The following CDH13 variants were observed in gnomAD, a reference collection of about 807,000 sequenced individuals.
The protein encoded by CDH13 is cadherin 13, also known as cadherin-13.
CDH13 carries 24 observed loss-of-function variants against 63.8 expected under a neutral mutation model. The ratio of observed to expected loss-of-function variants is 0.38; its 90% CI spans 0.27 to 0.53. The LOEUF (loss-of-function observed/expected upper bound fraction) is 0.53, where lower values mean the gene tolerates loss of function less well. CDH13 is among the 20% of genes least tolerant of loss of function. The probability of loss-of-function intolerance (pLI) is 0.85; values close to 1 mark genes in which losing one functional copy is unlikely to be tolerated. For missense variants in CDH13, 1,049 were observed against 903.1 expected, an observed-to-expected ratio of 1.16 and a Z score of -2.07; for synonymous variants, 503 against 355.3, an observed-to-expected ratio of 1.42 and a Z score of -4.67.
chr16:82,858,095 G>C (rs1337773474), intron 1 of CDH13, among the ~76,000 whole-genome samples: 1 of 152,166 alleles, frequency 6.6e-6, no homozygotes, highest in Non-Finnish European at 1.5e-5. Context: ...ACCATGGTGA[G>C]AATCTTAGCA....
chr16:83,785,098 C>T (rs940143062), intron 13 of CDH13, among the ~76,000 whole-genome samples: 2 of 152,126 alleles, frequency 1.3e-5, no homozygotes, highest in African/African-American at 2.4e-5. Flanking sequence ...ACAGATAATT[C>T]GGCTGTACAG....
intron 2 of CDH13, among the ~76,000 whole-genome samples, chr16:82,958,081 C>G (rs56913429): frequency 0.063 from 9,589 of 152,212 alleles, 976 homozygotes; most frequent in African/African-American, 0.21. Flanking sequence ...TCACAGATTC[C>G]TAACTAAGTA....
intron 10 of CDH13, among the ~76,000 whole-genome samples, chr16:83,706,498 G>T (rs940902251): frequency 4.6e-5 from 7 of 152,168 alleles, no homozygotes; most frequent in Admixed American, 4.6e-4. Flanking sequence ...GGAATCAGAG[G>T]TACCTGAGTT....
At chr16:83,378,458 T>C (rs1312376658) in intron 6 of CDH13, among the ~76,000 whole-genome samples, 1 of 152,212 alleles carries the variant, frequency 6.6e-6, no homozygotes, top group East Asian at 1.9e-4. Context: ...TCTGCAACGA[T>C]AATATATGTG....
chr16:83,344,756 G>C, intron 5 of CDH13, 106 bp from the exon 6 acceptor site: 1 of 1,210,942 alleles, frequency 8.3e-7, no homozygotes, highest in Admixed American at 2.0e-5. Context: ...ATATTGCCAA[G>C]GGCTCATAAA....
chr16:82,866,816 T>A (rs1253534458), intron 2 of CDH13, among the ~76,000 whole-genome samples: 1 of 152,074 alleles, frequency 6.6e-6, no homozygotes, highest in Non-Finnish European at 1.5e-5. Context: ...AAGAGCCCTT[T>A]ATAAAACCAT....
chr16:83,685,611 CTT>C (rs1904300405), intron 10 of CDH13, among the ~76,000 whole-genome samples: 1 of 152,090 alleles, frequency 6.6e-6, no homozygotes, highest in Non-Finnish European at 1.5e-5. Flanking sequence ...AGAGCAAGAA[CTT>C]TTGCTGCAAA....
At chr16:83,287,019 A>G (rs745968628) in intron 5 of CDH13, among the ~76,000 whole-genome samples, 26 of 152,066 alleles carry the variant, frequency 1.7e-4, no homozygotes, top group Non-Finnish European at 3.2e-4. Flanking sequence ...CTGGAAGATA[A>G]TGTTCATCTT....
intron 10 of CDH13, among the ~76,000 whole-genome samples, chr16:83,685,093 G>C (rs1486726315): frequency 6.6e-6 from 1 of 152,170 alleles, no homozygotes; most frequent in African/African-American, 2.4e-5. Context: ...AGAAAGAAGA[G>C]GGATACTCCC....
chr16:82,706,597 C>A (rs1012133671), intron 1 of CDH13, among the ~76,000 whole-genome samples: 3 of 151,412 alleles, frequency 2.0e-5, no homozygotes, highest in Admixed American at 6.6e-5. Flanking sequence ...GAGTTGGAGA[C>A]CAGCCTGGCC....
At chr16:82,777,005 A>T (rs1312508795) in intron 1 of CDH13, among the ~76,000 whole-genome samples, 1 of 152,176 alleles carries the variant, frequency 6.6e-6, no homozygotes, top group East Asian at 1.9e-4. Context: ...CAGTGACGTG[A>T]TGCAATCATA....
At chr16:83,301,241 C>G (rs911509068) in intron 5 of CDH13, among the ~76,000 whole-genome samples, 5 of 151,882 alleles carry the variant, frequency 3.3e-5, no homozygotes, top group African/African-American at 1.2e-4. Flanking sequence ...CTGTGTTAGC[C>G]AAGATGGTCT....
intron 6 of CDH13, among the ~76,000 whole-genome samples, chr16:83,413,908 C>G (rs886839109): frequency 3.9e-5 from 6 of 152,274 alleles, no homozygotes; most frequent in African/African-American, 1.4e-4. Context: ...AGAAAAATTG[C>G]TTGAACCTGG....
At chr16:82,740,106 T>C (rs976820392) in intron 1 of CDH13, among the ~76,000 whole-genome samples, 5 of 152,228 alleles carry the variant, frequency 3.3e-5, no homozygotes, top group Non-Finnish European at 7.3e-5. Context: ...CTCAACAGCT[T>C]ACTCATAAGA....
rs1366301932 is a variant in CDH13, at chr16:83,368,903, TATATA to T, written c.781+23898_781+23902del. Among the ~76,000 whole-genome samples, 32 of 65,116 alleles carry T rather than the reference TATATA, an allele frequency of 4.9e-4. 1 individual carries two copies. The highest frequency in any genetic ancestry group is 9.3e-4 in the Admixed American group (7 of 7,504). The allele number at this position is 65,116 out of a possible 152,430, so 42.7% of individuals were successfully genotyped here. A position where few individuals can be genotyped will look rare whatever the true frequency, so the allele number is the denominator to read the frequency against. On this transcript the variant is annotated intron_variant, in intron 6 of 13. Transcript: ENST00000567109. ...TCCATGTTATATATATATATATATA[TATATA>T]TATATATATATATATATATATATAT...
intron 1 of CDH13, among the ~76,000 whole-genome samples, chr16:82,680,116 T>A (rs888821765): frequency 5.3e-5 from 8 of 152,064 alleles, no homozygotes; most frequent in Non-Finnish European, 1.2e-4. Flanking sequence ...CCAGCGTAGG[T>A]CATTGTTGGC....
At chr16:82,755,166 T>G (rs138434920) in intron 1 of CDH13, among the ~76,000 whole-genome samples, 159 of 152,322 alleles carry the variant, frequency 1.0e-3, no homozygotes, top group African/African-American at 3.6e-3. Flanking sequence ...ATCTAGGGAC[T>G]GTATAGAAAA....
At chr16:83,473,165 C>T (rs935290777) in intron 6 of CDH13, among the ~76,000 whole-genome samples, 7 of 152,178 alleles carry the variant, frequency 4.6e-5, no homozygotes, top group African/African-American at 1.7e-4. Context: ...AGATCCATTT[C>T]CATAGACTCA....
chr16:82,808,092 C>G (rs914988405), intron 1 of CDH13, among the ~76,000 whole-genome samples: 33 of 152,140 alleles, frequency 2.2e-4, no homozygotes. Flanking sequence ...ACTTGGGTCT[C>G]CAGCTAACTA....
Sources: gnomAD v4.1 joint callset for allele counts (sites outside exome capture counted in the v4.1 genomes callset) on GRCh38, gnomAD v4.1.1 for gene constraint, MANE v1.5 for transcripts, NCBI Gene and HGNC (gene_info 2026-07-23, HGNC 2026-07-21) for gene names.